The following CCDC88C variants were observed in gnomAD, a reference collection of about 807,000 sequenced individuals.
CCDC88C encodes protein Daple.
In CCDC88C, 131 loss-of-function variants were observed where a neutral mutation model predicts 198.8. That is an observed-to-expected ratio of 0.66 (90% confidence interval 0.57 to 0.76). The LOEUF (loss-of-function observed/expected upper bound fraction) is 0.76, where lower values mean the gene tolerates loss of function less well. Ranked by LOEUF, CCDC88C falls within the 30% of genes least tolerant of loss-of-function variation. CCDC88C has a pLI of 0.00. For missense variants in CCDC88C, 2,553 were observed against 2,631.6 expected, an observed-to-expected ratio of 0.97 and a Z score of 0.65; for synonymous variants, 1,166 against 1,114.7, an observed-to-expected ratio of 1.05 and a Z score of -0.92.
chr14:91,273,156 G>T lies in CCDC88C; in HGVS notation c.5556C>A (p.Ser1852Arg). The change falls in exon 30 of 30, where the codon AGC becomes AGA. Residue 1852 changes from serine (S) to arginine (R), a missense_variant. Ser to Arg is a moderately radical substitution (Grantham distance 110, BLOSUM62 -1). Coordinates refer to ENST00000389857, the MANE Select transcript of CCDC88C (RefSeq NM_001080414.4). This position sits in a 1 kb window ranked among gnomAD's most constrained non-coding sequence, Gnocchi z 5.6. ...TCCGCTCCCGGGCCAGGCTATGGGA[G>T]CTGGGGGGTGCGGGGCTTTGCAGGG... ...SHTLQSPAPP[S>R]SHSLARERTP... The T allele has an allele frequency of 6.3e-7, 1 of 1,580,940 alleles. No individual in the cohort carries two copies. The highest frequency in any genetic ancestry group is 8.6e-7 in the Non-Finnish European group (1 of 1,163,848).
At chr14:91,388,093 C>A (rs1027341697) in intron 3 of CCDC88C, among the ~76,000 whole-genome samples, 3 of 152,210 alleles carry the variant, frequency 2.0e-5, no homozygotes, top group African/African-American at 7.2e-5. Context: ...AGCCACACAC[C>A]ATCAGGACTT....
chr14:91,395,425 C>A (rs573236683), intron 3 of CCDC88C, among the ~76,000 whole-genome samples: 1 of 152,234 alleles, frequency 6.6e-6, no homozygotes, highest in African/African-American at 2.4e-5. Context: ...GGACGATGCA[C>A]CCTAAGTCAC....
intron 23 of CCDC88C, among the ~76,000 whole-genome samples, chr14:91,292,879 T>C (rs1264919158): frequency 6.6e-6 from 1 of 152,158 alleles, no homozygotes; most frequent in East Asian, 1.9e-4. Flanking sequence ...GCCAGAGTAG[T>C]ATCCCTTCCA....
chr14:91,353,092 G>A (rs1167597280), intron 4 of CCDC88C, among the ~76,000 whole-genome samples: 1 of 152,212 alleles, frequency 6.6e-6, no homozygotes, highest in Non-Finnish European at 1.5e-5. Context: ...AATACTGAGA[G>A]GGTTAAATAT....
intron 27 of CCDC88C, chr14:91,281,044 G>C: frequency 4.9e-6 from 2 of 408,194 alleles, no homozygotes; most frequent in South Asian, 3.4e-5. Context: ...TAACATGCTC[G>C]AATCCAATGA....
In CCDC88C at chr14:91,313,665, G is replaced by A. The variant is rs1194382967; in HGVS notation, c.2151C>T (p.Arg717=). 1 of 1,612,298 alleles carries A rather than the reference G, an allele frequency of 6.2e-7. No individual in the cohort carries two copies. The highest frequency in any genetic ancestry group is 2.2e-5 in the East Asian group (1 of 44,874). ...TCTGTGCCAGCTTGGTGCTGGTGAA[G>A]CGCATGGTCTCCACCAGCCTGCGCA... ...LELRRLVETM[R]FTSTKLAQME... The change falls in exon 15 of 30, where the codon CGC becomes CGT. Residue 717 remains arginine (R), a synonymous_variant. Coordinates refer to ENST00000389857, the MANE Select transcript of CCDC88C (RefSeq NM_001080414.4). The surrounding 1 kb of genome is among the most constrained non-coding windows in gnomAD (Gnocchi z 5.2).
At chr14:91,293,445 TGCCA>T (rs1890807984) in intron 23 of CCDC88C, among the ~76,000 whole-genome samples, 1 of 800 alleles carries the variant, frequency 1.3e-3, no homozygotes, top group African/African-American at 5.1e-3. Context: ...CGTCCTCACC[TGCCA>T]CGGTCCACCT....
At chr14:91,329,580 T>A (rs1327533660) in intron 10 of CCDC88C, among the ~76,000 whole-genome samples, 1 of 148,832 alleles carries the variant, frequency 6.7e-6, no homozygotes, top group Non-Finnish European at 1.5e-5. Flanking sequence ...CAGGCAAGCA[T>A]CAAGTCATTC....
Position 91,381,311 on chromosome 14 carries a change from C to T in CCDC88C, c.271-21600G>A, listed in dbSNP as rs773081101. ...AACTCCAAATCTCAAACAACCTGTG[C>T]ACAGGGTACTGGGGACACAGATGTG... is the stretch of plus-strand genomic sequence containing the variant. On this transcript the variant is annotated intron_variant, in intron 3 of 29. Transcript: ENST00000389857. The surrounding 1 kb of genome is among the most constrained non-coding windows in gnomAD (Gnocchi z 4.2). 1.8e-4 allele frequency among the ~76,000 whole-genome samples: 27 copies of T among 152,222 alleles called. No individual in the cohort carries two copies. The highest frequency in any genetic ancestry group is 3.4e-4 in the Non-Finnish European group (23 of 68,032).
At chr14:91,399,838 CAAAA>C (rs71120133) in intron 3 of CCDC88C, among the ~76,000 whole-genome samples, 1 of 75,158 alleles carries the variant, frequency 1.3e-5, no homozygotes, top group Non-Finnish European at 2.8e-5. Flanking sequence ...GACTCCCTCT[CAAAA>C]AAAAAAAAAA....
chr14:91,329,272 A>G (rs1387731818), intron 10 of CCDC88C, among the ~76,000 whole-genome samples: 3 of 152,028 alleles, frequency 2.0e-5, no homozygotes, highest in Non-Finnish European at 4.4e-5. Flanking sequence ...CCTCATCACA[A>G]CTCCTCAGCA....
At position 91,308,421 on chromosome 14, in the gene CCDC88C, A is replaced by G. The variant is rs773534319; in HGVS notation, c.2936T>C (p.Ile979Thr). Residue 979 changes from isoleucine (I) to threonine (T), a missense_variant, in exon 17 of 30, where the codon ATT becomes ACT. Ile to Thr is a moderately conservative substitution (Grantham distance 89). Coordinates refer to ENST00000389857, the MANE Select transcript of CCDC88C (RefSeq NM_001080414.4). ...KTTLAMKEEKIVLLEAQMEEK... is the reference protein window; with the variant it reads ...KTTLAMKEEKTVLLEAQMEEK... ...TTCCATCTGTGCTTCTAAGAGCACA[A>G]TCTTTTCTTCTTTCATGGCTAGTGT... The G allele has an allele frequency of 1.2e-6, 2 of 1,613,884 alleles. No individual in the cohort carries two copies. The highest frequency in any genetic ancestry group is 1.7e-5 in the Admixed American group (1 of 60,012).
chr14:91,309,454 A>G (rs1180832579), intron 16 of CCDC88C, among the ~76,000 whole-genome samples: 1 of 152,024 alleles, frequency 6.6e-6, no homozygotes, highest in Non-Finnish European at 1.5e-5. Flanking sequence ...ACATACAAGG[A>G]TTAGCCAGGT....
At chr14:91,365,794 G>T (rs1031735592) in intron 3 of CCDC88C, among the ~76,000 whole-genome samples, 1 of 152,128 alleles carries the variant, frequency 6.6e-6, no homozygotes, top group African/African-American at 2.4e-5. Flanking sequence ...CATGAAAGAG[G>T]TGTGAGATTA....
intron 15 of CCDC88C, 116 bp from the exon 16 acceptor site, chr14:91,310,102 G>T: frequency 9.5e-7 from 1 of 1,055,494 alleles, no homozygotes; most frequent in Non-Finnish European, 1.3e-6. Context: ...CTGCCTCCGT[G>T]TGGAGCGAGG....
intron 28 of CCDC88C, among the ~76,000 whole-genome samples, chr14:91,278,997 G>A (rs1208143545): frequency 7.3e-6 from 1 of 136,784 alleles, no homozygotes; most frequent in African/African-American, 2.8e-5. Flanking sequence ...GACCTCCCAG[G>A]CTTGAGCGAG....
In CCDC88C at chr14:91,417,676, G is replaced by A. The variant is rs1174385287; in HGVS notation, c.15C>T (p.Val5=). 6.3e-7 allele frequency: 1 copy of A among 1,580,482 alleles called. No homozygotes were observed. Among genetic ancestry groups the A allele is most frequent in the Non-Finnish European group, 8.6e-7 (1 of 1,167,130 alleles). Residue 5 remains valine (V), a synonymous_variant, in exon 1 of 30, where the codon GTC becomes GTT. Transcript: ENST00000389857. MDVT[V]SELLELFLQS... Reference sequence around the variant, plus strand: ...GCAGGAAGAGCTCCAGGAGCTCCGAGACTGTCACGTCCATGCTGAGGCTGC... The same window carrying A: ...GCAGGAAGAGCTCCAGGAGCTCCGAAACTGTCACGTCCATGCTGAGGCTGC...
chr14:91,272,566 CGT>C lies in CCDC88C; in HGVS notation c.*57_*58del. 6.6e-7 allele frequency: 1 copy of C among 1,525,636 alleles called. No homozygotes were observed. The highest frequency in any genetic ancestry group is 1.2e-5 in the South Asian group (1 of 83,586). 94.5% of individuals were successfully genotyped at this position (1,525,636 alleles called of 1,614,324 possible). A position where few individuals can be genotyped will look rare whatever the true frequency, so the allele number is the denominator to read the frequency against. On this transcript the variant is annotated 3_prime_UTR_variant, in exon 30 of 30. Transcript: ENST00000389857. The stretch of plus-strand genomic sequence containing the variant: ...ACCGCAGGCAAGCAAGAGAAAAGGC[CGT>C]GAGAGTCGGAAGGCGCGTCAGTAGT...
At chr14:91,396,061 A>G (rs141461080) in intron 3 of CCDC88C, among the ~76,000 whole-genome samples, 1 of 152,298 alleles carries the variant, frequency 6.6e-6, no homozygotes, top group East Asian at 1.9e-4. Flanking sequence ...GACGACAATT[A>G]TATCGCGACA....
Sources: allele counts gnomAD v4.1 joint callset (sites outside exome capture counted in the v4.1 genomes callset), GRCh38; gene constraint gnomAD v4.1.1; non-coding constraint Gnocchi (gnomAD v3.1); transcripts MANE v1.5; gene names NCBI Gene and HGNC (gene_info 2026-07-23, HGNC 2026-07-21).